TMPRSS11D: variants seen among roughly 807,000 people sequenced by gnomAD.
TMPRSS11D encodes transmembrane protease serine 11D.
A neutral mutation model predicts 44.4 loss-of-function variants in TMPRSS11D; 32 were observed. That is an observed-to-expected ratio of 0.72 (90% confidence interval 0.54 to 0.97). The LOEUF (loss-of-function observed/expected upper bound fraction) is 0.97. Among genes scored for constraint, TMPRSS11D ranks in the 50% least tolerant of loss-of-function variants. The pLI, the probability that TMPRSS11D is intolerant of heterozygous loss-of-function variation, is 0.00. For missense variants in TMPRSS11D, 446 were observed against 502.6 expected, an observed-to-expected ratio of 0.89 and a Z score of 1.08; for synonymous variants, 179 against 177.9, an observed-to-expected ratio of 1.01 and a Z score of -0.05.
At chr4:67,861,355 G>A (rs1322608088) in intron 1 of TMPRSS11D, among the ~76,000 whole-genome samples, 1 of 152,090 alleles carries the variant, frequency 6.6e-6, no homozygotes, top group Non-Finnish European at 1.5e-5. Context: ...CCTGTTACAT[G>A]CAATCACAAA....
intron 2 of TMPRSS11D, among the ~76,000 whole-genome samples, chr4:67,855,692 CAGAGCA>C (rs1718619800): frequency 6.6e-6 from 1 of 152,084 alleles, no homozygotes; most frequent in Non-Finnish European, 1.5e-5. Context: ...AAGTCCTAAC[CAGAGCA>C]ATCAGGTTAG....
In TMPRSS11D at chr4:67,827,462, G is replaced by A; in HGVS notation, c.751C>T (p.Leu251=). Residue 251 remains leucine (L), a synonymous_variant, in exon 8 of 10, where the codon CTA becomes TTA. Coordinates refer to ENST00000283916, the MANE Select transcript of TMPRSS11D (RefSeq NM_004262.3). Reference sequence around the variant, plus strand: ...AAAATATTTCTTACTCTCATTCTTAGTTTAGGAAATGTTGTGGAAATACCA... The same window carrying A: ...AAAATATTTCTTACTCTCATTCTTAATTTAGGAAATGTTGTGGAAATACCA... ...TSGISTTFPK[L]RMRVRNILIH... The A allele has an allele frequency of 6.2e-7, 1 of 1,612,284 alleles. No individual in the cohort carries two copies.
At chr4:67,834,529 A>G (rs1235400842) in intron 6 of TMPRSS11D, among the ~76,000 whole-genome samples, 1 of 144,400 alleles carries the variant, frequency 6.9e-6, no homozygotes, top group Non-Finnish European at 1.5e-5. Context: ...TGGTCAGAGA[A>G]GTAAGTTGCT....
At chr4:67,863,251 T>C (rs1343573811) in intron 1 of TMPRSS11D, among the ~76,000 whole-genome samples, 2 of 149,810 alleles carry the variant, frequency 1.3e-5, no homozygotes, top group African/African-American at 2.4e-5. Flanking sequence ...TTGGTTATTA[T>C]TATTGCCAGT....
At chr4:67,859,255 C>T (rs1434512438) in intron 2 of TMPRSS11D, among the ~76,000 whole-genome samples, 1 of 151,790 alleles carries the variant, frequency 6.6e-6, no homozygotes, top group Non-Finnish European at 1.5e-5. Context: ...ATTTTAGCAT[C>T]AGAAAATTAT....
chr4:67,827,238 A>G, intron 8 of TMPRSS11D, 23 bp downstream of exon 8: 1 of 1,559,430 alleles, frequency 6.4e-7, no homozygotes, highest in Non-Finnish European at 8.6e-7. Flanking sequence ...TCTATTGTTA[A>G]TTTTTTTTTC....
At chr4:67,870,484 G>A (rs962222001) in intron 1 of TMPRSS11D, among the ~76,000 whole-genome samples, 7 of 152,286 alleles carry the variant, frequency 4.6e-5, no homozygotes, top group Admixed American at 4.6e-4. Context: ...CTCAATTGAT[G>A]TCTTCTCAGT....
At chr4:67,862,913 G>C (rs1052364918) in intron 1 of TMPRSS11D, among the ~76,000 whole-genome samples, 1 of 151,896 alleles carries the variant, frequency 6.6e-6, no homozygotes, top group Non-Finnish European at 1.5e-5. Context: ...GTTGTGGGGT[G>C]GGGGAGAGGG....
intron 1 of TMPRSS11D, among the ~76,000 whole-genome samples, chr4:67,867,490 A>G (rs1277128716): frequency 9.2e-5 from 14 of 152,306 alleles, no homozygotes; most frequent in Non-Finnish European, 2.1e-4. Context: ...ATACTTACTT[A>G]AACTAAAAAG....
intron 5 of TMPRSS11D, 93 bp from the exon 6 acceptor site, chr4:67,835,214 G>T: frequency 8.3e-7 from 1 of 1,201,456 alleles, no homozygotes; most frequent in Non-Finnish European, 1.2e-6. Flanking sequence ...ACAACAAGAA[G>T]CAGAATTACT....
At chr4:67,854,851 C>T (rs1718594803) in intron 2 of TMPRSS11D, among the ~76,000 whole-genome samples, 3 of 152,152 alleles carry the variant, frequency 2.0e-5, no homozygotes, top group African/African-American at 7.2e-5. Flanking sequence ...GAAGAACTAA[C>T]ATCAATTCTC....
chr4:67,872,263 G>T (rs1187723236), intron 1 of TMPRSS11D, among the ~76,000 whole-genome samples: 1 of 151,894 alleles, frequency 6.6e-6, no homozygotes, highest in East Asian at 1.9e-4. Flanking sequence ...TTTCCAAATA[G>T]GTAGGTTTCC....
At chr4:67,877,582 ATCT>A (rs1251800295) in intron 1 of TMPRSS11D, among the ~76,000 whole-genome samples, 4 of 152,194 alleles carry the variant, frequency 2.6e-5, no homozygotes, top group Non-Finnish European at 5.9e-5. Context: ...TGAATTGATC[ATCT>A]TCTTTCTGAT....
At chr4:67,864,870 T>C (rs1718882118) in intron 1 of TMPRSS11D, among the ~76,000 whole-genome samples, 1 of 151,780 alleles carries the variant, frequency 6.6e-6, no homozygotes, top group African/African-American at 2.4e-5. Flanking sequence ...CCCATATTCA[T>C]AAAACAAATA....
At chr4:67,849,452 G>A (rs928185751) in intron 3 of TMPRSS11D, among the ~76,000 whole-genome samples, 4 of 152,144 alleles carry the variant, frequency 2.6e-5, no homozygotes, top group Admixed American at 2.0e-4. Context: ...AGGAGAGGTG[G>A]ACATAAGTAA....
chr4:67,867,194 G>T (rs59973900), intron 1 of TMPRSS11D, among the ~76,000 whole-genome samples: 4,214 of 151,890 alleles, frequency 0.028, 178 homozygotes, highest in African/African-American at 0.094. Flanking sequence ...TACAGCCAAC[G>T]GACCTTTGAC....
chr4:67,869,874 A>G (rs567636164), intron 1 of TMPRSS11D, among the ~76,000 whole-genome samples: 1 of 152,196 alleles, frequency 6.6e-6, no homozygotes, highest in African/African-American at 2.4e-5. Flanking sequence ...TTTTATATAG[A>G]TCTTCCCCAT....
intron 1 of TMPRSS11D, among the ~76,000 whole-genome samples, chr4:67,866,295 A>C (rs779150399): frequency 9.2e-5 from 14 of 152,162 alleles, no homozygotes; most frequent in Non-Finnish European, 1.8e-4. Flanking sequence ...AAAATTTAGC[A>C]TCCTTCCATG....
chr4:67,877,199 A>T, intron 1 of TMPRSS11D, among the ~76,000 whole-genome samples: 1 of 152,116 alleles, frequency 6.6e-6, no homozygotes, highest in South Asian at 2.1e-4. Flanking sequence ...TCCTCTAGTC[A>T]ACCTAAGTGT....
Sources: allele counts gnomAD v4.1 joint callset (sites outside exome capture counted in the v4.1 genomes callset), GRCh38; gene constraint gnomAD v4.1.1; transcripts MANE v1.5; gene names NCBI Gene and HGNC (gene_info 2026-07-23, HGNC 2026-07-21).